Variants in DNAJC1 observed in about 807,000 individuals in gnomAD.
The protein encoded by DNAJC1 is DnaJ heat shock protein family (Hsp40) member C1.
In DNAJC1, 58 loss-of-function variants were observed where a neutral mutation model predicts 76.6. The ratio of observed to expected loss-of-function variants is 0.76; its 90% CI spans 0.61 to 0.94. The LOEUF is 0.94. Ranked by LOEUF, DNAJC1 falls within the 40% of genes least tolerant of loss-of-function variation. The probability of loss-of-function intolerance (pLI) is 0.00; values close to 1 mark genes in which losing one functional copy is unlikely to be tolerated. For missense variants in DNAJC1, 689 were observed against 677.3 expected, an observed-to-expected ratio of 1.02 and a Z score of -0.19; for synonymous variants, 258 against 267.9, an observed-to-expected ratio of 0.96 and a Z score of 0.36.
intron 6 of DNAJC1, among the ~76,000 whole-genome samples, chr10:21,906,766 G>A (rs1836752789): frequency 6.6e-6 from 1 of 151,798 alleles, no homozygotes; most frequent in African/African-American, 2.4e-5. Context: ...CATAAAATGG[G>A]GATAACAAAA....
chr10:21,894,311 C>T (rs1836505344), intron 7 of DNAJC1, among the ~76,000 whole-genome samples: 1 of 152,194 alleles, frequency 6.6e-6, no homozygotes, highest in East Asian at 1.9e-4. Context: ...CGGCTCACGT[C>T]TGTAATCCCA....
chr10:21,976,965 A>T, intron 1 of DNAJC1, among the ~76,000 whole-genome samples: 1 of 152,170 alleles, frequency 6.6e-6, no homozygotes, highest in East Asian at 1.9e-4. Flanking sequence ...GCAACCAATC[A>T]AAACAAGTAG....
rs1481305351 is a variant in DNAJC1 at position 21,766,322 on chromosome 10, A to G, written c.1099-13T>C. ...CTTTGGTTGTCACCTGTTTCAAAAC[A>G]TAAAAGCAAAAATCTTACTTTCCAT... On this transcript the variant is annotated splice_polypyrimidine_tract_variant and intron_variant, in intron 9 of 11. Transcript: ENST00000376980. The G allele has an allele frequency of 2.5e-6, 4 of 1,611,964 alleles. No individual in the cohort carries two copies. In the African/African-American group the frequency reaches 4.0e-5, roughly 16 times the overall value.
chr10:21,925,692 G>A (rs1196667409), intron 3 of DNAJC1, among the ~76,000 whole-genome samples: 2 of 152,114 alleles, frequency 1.3e-5, no homozygotes, highest in African/African-American at 2.4e-5. Flanking sequence ...AAAAAACTAC[G>A]TATTGCATGA....
At chr10:21,758,226 TA>T (rs1272391386) in intron 11 of DNAJC1, among the ~76,000 whole-genome samples, 2 of 151,954 alleles carry the variant, frequency 1.3e-5, no homozygotes, top group East Asian at 3.9e-4. Flanking sequence ...AATAAGAATG[TA>T]AATGAGCATG....
intron 3 of DNAJC1, 28 bp from the exon 4 acceptor site, chr10:21,920,991 CG>C: frequency 6.7e-7 from 1 of 1,485,732 alleles, no homozygotes; most frequent in Admixed American, 2.3e-5. Context: ...CAGTTTTTCA[CG>C]GGGAGTTTAA....
At chr10:21,834,135 G>T (rs1457000453) in intron 8 of DNAJC1, among the ~76,000 whole-genome samples, 1 of 152,036 alleles carries the variant, frequency 6.6e-6, no homozygotes, top group Non-Finnish European at 1.5e-5. Context: ...ACGGTGGCGG[G>T]CGCCTGTAGT....
chr10:21,921,889 T>TACAAAC (rs1564828166), intron 3 of DNAJC1, among the ~76,000 whole-genome samples: 1 of 152,052 alleles, frequency 6.6e-6, no homozygotes, highest in African/African-American at 2.4e-5. Context: ...AATGGTCACA[T>TACAAAC]ACAAACACTG....
intron 8 of DNAJC1, among the ~76,000 whole-genome samples, chr10:21,857,135 T>A (rs888737499): frequency 1.3e-5 from 2 of 152,238 alleles, no homozygotes; most frequent in African/African-American, 4.8e-5. Context: ...AAGAAGGATA[T>A]GCCATTTATC....
chr10:21,792,329 T>C (rs900423388), intron 9 of DNAJC1, among the ~76,000 whole-genome samples: 3 of 152,056 alleles, frequency 2.0e-5, no homozygotes, highest in Admixed American at 1.3e-4. Flanking sequence ...CTTTCAGAAA[T>C]TAGGGGAGGA....
At chr10:21,828,420 G>T (rs574167509) in intron 8 of DNAJC1, among the ~76,000 whole-genome samples, 1 of 152,188 alleles carries the variant, frequency 6.6e-6, no homozygotes, top group African/African-American at 2.4e-5. Context: ...TTATTTTCAT[G>T]TTCATGATTT....
At chr10:21,813,839 T>C (rs945156320) in intron 8 of DNAJC1, among the ~76,000 whole-genome samples, 16 of 152,184 alleles carry the variant, frequency 1.1e-4, no homozygotes, top group Non-Finnish European at 2.4e-4. Context: ...TAGGAGTCAG[T>C]TGGCCCTCTT....
rs1564823750 is a variant in DNAJC1 at position 21,907,860 on chromosome 10, C to G, written c.730-3248G>C. Reference sequence around the variant, plus strand: ...AGGTGTGGTGGCAGGCACCTGTAATCCCCGCTACTCAGGAGGCTGAGGCAA... The same window carrying G: ...AGGTGTGGTGGCAGGCACCTGTAATGCCCGCTACTCAGGAGGCTGAGGCAA... On this transcript the variant is annotated intron_variant, in intron 6 of 11. Coordinates refer to ENST00000376980, the MANE Select transcript of DNAJC1 (RefSeq NM_022365.4). Among the ~76,000 whole-genome samples, 4 of 149,900 alleles carry G rather than the reference C, an allele frequency of 2.7e-5. No individual in the cohort carries two copies. In the South Asian group the frequency reaches 6.3e-4, roughly 23 times the overall value.
At chr10:21,860,274 TG>T (rs1376164237) in intron 8 of DNAJC1, among the ~76,000 whole-genome samples, 1 of 152,048 alleles carries the variant, frequency 6.6e-6, no homozygotes, top group Non-Finnish European at 1.5e-5. Context: ...GTTTATAAAA[TG>T]TTTTTTACCA....
chr10:21,993,034 G>T (rs1838351750), intron 1 of DNAJC1, among the ~76,000 whole-genome samples: 1 of 151,990 alleles, frequency 6.6e-6, no homozygotes, highest in Non-Finnish European at 1.5e-5. Flanking sequence ...AGCTAAACAA[G>T]GATCTTTAGT....
intron 1 of DNAJC1, among the ~76,000 whole-genome samples, chr10:21,964,561 C>A (rs1837856512): frequency 6.6e-6 from 1 of 152,094 alleles, no homozygotes; most frequent in African/African-American, 2.4e-5. Flanking sequence ...TTAAGTATTT[C>A]TCTCATACAA....
intron 8 of DNAJC1, among the ~76,000 whole-genome samples, chr10:21,873,222 G>A (rs750516940): frequency 9.2e-5 from 14 of 152,088 alleles, no homozygotes; most frequent in Non-Finnish European, 1.3e-4. Flanking sequence ...ACGTGAGCCC[G>A]CCAATGCTCC....
At chr10:21,985,944 A>T (rs1838238887) in intron 1 of DNAJC1, among the ~76,000 whole-genome samples, 1 of 151,940 alleles carries the variant, frequency 6.6e-6, no homozygotes, top group Non-Finnish European at 1.5e-5. Context: ...AAAAACTGCC[A>T]CGGCCGGGCA....
At chr10:21,852,344 C>T (rs1310944720) in intron 8 of DNAJC1, among the ~76,000 whole-genome samples, 1 of 152,002 alleles carries the variant, frequency 6.6e-6, no homozygotes, top group Non-Finnish European at 1.5e-5. Flanking sequence ...AGCAATTGCT[C>T]AATGGGTACA....
Sources: allele counts gnomAD v4.1 joint callset (sites outside exome capture counted in the v4.1 genomes callset), GRCh38; gene constraint gnomAD v4.1.1; transcripts MANE v1.5; gene names NCBI Gene and HGNC (gene_info 2026-07-23, HGNC 2026-07-21).